The following DCDC2 variants were observed in gnomAD, a reference collection of about 807,000 sequenced individuals.
DCDC2 encodes doublecortin domain-containing protein 2.
In DCDC2, 40 loss-of-function variants were observed where a neutral mutation model predicts 50.2. That is an observed-to-expected ratio of 0.80 (90% CI 0.62 to 1.04). The LOEUF (loss-of-function observed/expected upper bound fraction) is 1.04, where lower values mean the gene tolerates loss of function less well. DCDC2 is among the 50% of genes least tolerant of loss of function. The probability of loss-of-function intolerance (pLI) is 0.00; values close to 1 mark genes in which losing one functional copy is unlikely to be tolerated. For synonymous variants in DCDC2, 234 were observed against 210.6 expected (o/e 1.11, Z -0.96); for missense variants, 570 against 581.9 (o/e 0.98, Z 0.21).
chr6:24,190,930 T>C (rs1012414325), intron 8 of DCDC2, among the ~76,000 whole-genome samples: 1 of 152,148 alleles, frequency 6.6e-6, no homozygotes, highest in Non-Finnish European at 1.5e-5. Context: ...TAGAAGCCCC[T>C]CATCTTCTCA....
chr6:24,355,830 G>A (rs796797651), intron 1 of DCDC2, among the ~76,000 whole-genome samples: 2 of 152,138 alleles, frequency 1.3e-5, no homozygotes, highest in African/African-American at 4.8e-5. Flanking sequence ...ACAAATATAG[G>A]AGAAGAAGGA....
intron 7 of DCDC2, among the ~76,000 whole-genome samples, chr6:24,238,754 G>C (rs1321442859): frequency 6.6e-6 from 1 of 152,300 alleles, no homozygotes; most frequent in African/African-American, 2.4e-5. Context: ...AGGATTATCA[G>C]ATGGAAGAGA....
intron 7 of DCDC2, among the ~76,000 whole-genome samples, chr6:24,253,823 A>G: frequency 6.6e-6 from 1 of 152,346 alleles, no homozygotes; most frequent in African/African-American, 2.4e-5. Context: ...CTAGGACATT[A>G]CTGTAGACTT....
At chr6:24,322,948 T>G (rs1038753762) in intron 2 of DCDC2, among the ~76,000 whole-genome samples, 5 of 152,206 alleles carry the variant, frequency 3.3e-5, no homozygotes, top group Non-Finnish European at 2.9e-5. Context: ...CTTAAAATAT[T>G]TTACAGAGTT....
chr6:24,361,477 C>A (rs181439960), upstream of DCDC2, among the ~76,000 whole-genome samples: 4 of 150,846 alleles, frequency 2.7e-5, no homozygotes, highest in Non-Finnish European at 5.9e-5. Flanking sequence ...CCAAAGAGAA[C>A]AATACAGGGA....
chr6:24,311,139 G>A (rs536479613), intron 2 of DCDC2, among the ~76,000 whole-genome samples: 33 of 152,228 alleles, frequency 2.2e-4, no homozygotes, highest in African/African-American at 7.9e-4. Context: ...GTCTTGGACT[G>A]GACTTGATTA....
At chr6:24,223,034 C>T (rs1762152457) in intron 7 of DCDC2, among the ~76,000 whole-genome samples, 1 of 152,168 alleles carries the variant, frequency 6.6e-6, no homozygotes, top group Non-Finnish European at 1.5e-5. Context: ...TTCAAAAAGT[C>T]AGTGGCCAAA....
At chr6:24,327,018 A>G in intron 2 of DCDC2, among the ~76,000 whole-genome samples, 1 of 149,616 alleles carries the variant, frequency 6.7e-6, no homozygotes. Context: ...CCTTCAGCAC[A>G]GCTCAGCACC....
At chr6:24,383,157 T>C in the DCDC2 span, among the ~76,000 whole-genome samples, 31 of 151,824 alleles carry the variant, frequency 2.0e-4, no homozygotes, top group Admixed American at 2.0e-3. Flanking sequence ...AGAAACCCCG[T>C]CTCTACTGAA....
At chr6:24,229,193 G>A (rs1762290961) in intron 7 of DCDC2, among the ~76,000 whole-genome samples, 1 of 152,170 alleles carries the variant, frequency 6.6e-6, no homozygotes, top group African/African-American at 2.4e-5. Flanking sequence ...CTAAAATCAA[G>A]GTGTTGGCAG....
chr6:24,285,975 C>T (rs1158114098), intron 6 of DCDC2, among the ~76,000 whole-genome samples: 1 of 152,116 alleles, frequency 6.6e-6, no homozygotes, highest in African/African-American at 2.4e-5. Flanking sequence ...CTACAAAGTC[C>T]TAAAGAAAAA....
intron 7 of DCDC2, among the ~76,000 whole-genome samples, chr6:24,211,511 T>G (rs746559881): frequency 4.6e-5 from 7 of 152,234 alleles, no homozygotes; most frequent in Non-Finnish European, 1.0e-4. Flanking sequence ...TTAAGGTTGC[T>G]AAGCAGCTGA....
At chr6:24,257,287 C>A (rs1386847540) in intron 7 of DCDC2, among the ~76,000 whole-genome samples, 1 of 152,174 alleles carries the variant, frequency 6.6e-6, no homozygotes, top group African/African-American at 2.4e-5. Flanking sequence ...TGAAAAAATT[C>A]AGTCATTCTC....
At chr6:24,207,217 T>C (rs1340569758) in intron 7 of DCDC2, among the ~76,000 whole-genome samples, 1 of 151,794 alleles carries the variant, frequency 6.6e-6, no homozygotes, top group Non-Finnish European at 1.5e-5. Flanking sequence ...CACTAATATT[T>C]TGACAATTCT....
intron 4 of DCDC2, among the ~76,000 whole-genome samples, chr6:24,298,767 G>C (rs753251011): frequency 2.0e-5 from 3 of 152,132 alleles, no homozygotes; most frequent in Admixed American, 6.5e-5. Context: ...TACTAGACAG[G>C]TAACAGTATG....
chr6:24,271,278 C>T (rs1379662665), intron 7 of DCDC2, among the ~76,000 whole-genome samples: 2 of 148,338 alleles, frequency 1.3e-5, no homozygotes, highest in African/African-American at 2.5e-5. Context: ...AAAGGTTCAA[C>T]CTGACCTTGC....
intron 7 of DCDC2, among the ~76,000 whole-genome samples, chr6:24,269,768 A>G (rs1763199710): frequency 6.6e-6 from 1 of 152,164 alleles, no homozygotes; most frequent in Non-Finnish European, 1.5e-5. Context: ...ACTAGAGGTC[A>G]GCCCCCAAAA....
intron 4 of DCDC2, among the ~76,000 whole-genome samples, chr6:24,292,793 T>C (rs1763779561): frequency 6.6e-6 from 1 of 152,234 alleles, no homozygotes; most frequent in South Asian, 2.1e-4. Context: ...GGCTGCCCTG[T>C]ACATTGTAAG....
At chr6:24,265,116 C>T (rs1763091403) in intron 7 of DCDC2, among the ~76,000 whole-genome samples, 1 of 151,880 alleles carries the variant, frequency 6.6e-6, no homozygotes, top group Non-Finnish European at 1.5e-5. Flanking sequence ...GCCTGGGCAA[C>T]ATAGTGAAAC....
Sources: gnomAD v4.1 joint callset for allele counts (sites outside exome capture counted in the v4.1 genomes callset) on GRCh38, gnomAD v4.1.1 for gene constraint, MANE v1.5 for transcripts, NCBI Gene and HGNC (gene_info 2026-07-23, HGNC 2026-07-21) for gene names.